SHLD1: variants seen among roughly 807,000 people sequenced by gnomAD.
The protein encoded by SHLD1 is shieldin complex subunit 1, also known as RINN1-REV7-interacting novel NHEJ regulator 3.
Under a neutral mutation model 5.5 loss-of-function variants are expected in SHLD1, and 3 were observed. The observed-to-expected ratio is 0.54, with a 90% CI of 0.25 to 1.40. SHLD1 has a LOEUF of 1.40. Ranked by LOEUF, SHLD1 falls within the 40% of genes most tolerant of loss-of-function variation. The pLI is 0.15. For synonymous variants in SHLD1, 92 were observed against 94.3 expected (o/e 0.98, Z 0.14); for missense variants, 210 against 244.4 (o/e 0.86, Z 0.94).
chr20:5,821,617 T>C (rs2087607078), intron 2 of SHLD1, among the ~76,000 whole-genome samples: 1 of 152,144 alleles, frequency 6.6e-6, no homozygotes, highest in African/African-American at 2.4e-5. Context: ...TCTGGAAAAC[T>C]CAAACATCGA....
At chr20:5,817,833 C>G (rs1294703) in intron 2 of SHLD1, among the ~76,000 whole-genome samples, 32,263 of 152,170 alleles carry the variant, frequency 0.21, 3,998 homozygotes, top group Non-Finnish European at 0.27. Flanking sequence ...GCACCTGAAA[C>G]TGATCTCTGT....
chr20:5,854,694 T>C (rs549423973), intron 2 of SHLD1, among the ~76,000 whole-genome samples: 1 of 152,160 alleles, frequency 6.6e-6, no homozygotes, highest in Non-Finnish European at 1.5e-5. Context: ...GAAGTCTTAA[T>C]CATTTTGAAG....
intron 2 of SHLD1, among the ~76,000 whole-genome samples, chr20:5,821,065 C>T (rs1185797729): frequency 1.3e-5 from 2 of 152,206 alleles, no homozygotes; most frequent in African/African-American, 4.8e-5. Context: ...ACTTCTAGTC[C>T]TGTGGAAAAT....
chr20:5,831,101 C>T (rs993786305), intron 2 of SHLD1, among the ~76,000 whole-genome samples: 2 of 152,136 alleles, frequency 1.3e-5, no homozygotes, highest in African/African-American at 4.8e-5. Context: ...GTGGGTGCTT[C>T]GTGCTGGCTT....
chr20:5,811,723 G>A (rs549561363), intron 2 of SHLD1, among the ~76,000 whole-genome samples: 3 of 152,054 alleles, frequency 2.0e-5, no homozygotes, highest in Non-Finnish European at 2.9e-5. Flanking sequence ...AGGTGTGGTG[G>A]TGCACACCTT....
chr20:5,841,617 G>A (rs2087861854), intron 2 of SHLD1, among the ~76,000 whole-genome samples: 1 of 152,160 alleles, frequency 6.6e-6, no homozygotes, highest in African/African-American at 2.4e-5. Context: ...ATTCTAAAAT[G>A]TTAATAAGGC....
chr20:5,860,777 C>G (rs370530430), intron 2 of SHLD1, among the ~76,000 whole-genome samples: 4 of 151,472 alleles, frequency 2.6e-5, no homozygotes, highest in African/African-American at 9.7e-5. Flanking sequence ...CCCCTTCCAC[C>G]CATCCTGGAG....
chr20:5,770,342 A>G (rs148298152), intron 1 of SHLD1, among the ~76,000 whole-genome samples: 1 of 152,330 alleles, frequency 6.6e-6, no homozygotes, highest in East Asian at 1.9e-4. Flanking sequence ...ATGTCAGTGC[A>G]GTTTGAAACA....
At chr20:5,816,089 G>GAAAAAAAAAA (rs141881349) in intron 2 of SHLD1, among the ~76,000 whole-genome samples, 641 of 83,724 alleles carry the variant, frequency 7.7e-3, no homozygotes, top group Middle Eastern at 0.014. Context: ...TCAAAAAAAC[G>GAAAAAAAAAA]AAAAAAAAAA....
intron 2 of SHLD1, among the ~76,000 whole-genome samples, chr20:5,789,940 C>A (rs2087114727): frequency 6.6e-6 from 1 of 152,186 alleles, no homozygotes; most frequent in South Asian, 2.1e-4. Context: ...AAAGCCCAGC[C>A]CCCGGGAAGG....
At chr20:5,836,639 T>C (rs1476110664) in intron 2 of SHLD1, among the ~76,000 whole-genome samples, 1 of 152,228 alleles carries the variant, frequency 6.6e-6, no homozygotes, top group Non-Finnish European at 1.5e-5. Context: ...CAATGCCACC[T>C]TCTCCTCCTG....
In SHLD1 at chr20:5,765,412, A is replaced by AT. The variant is rs560235633; in HGVS notation, c.-4-7442dup. On this transcript the variant is annotated intron_variant, in intron 1 of 2. Transcript: ENST00000303142. ...AGGTGCACGTCACCACACCCGGCTA[A>AT]TTTTTTTTGTATTTTTAGTAGAGAC... 8.7e-3 allele frequency among the ~76,000 whole-genome samples: 1,316 copies of AT among 151,340 alleles called. 19 individuals carry two copies. The highest frequency in any genetic ancestry group is 0.029 in the African/African-American group (1,212 of 41,234).
At chr20:5,808,907 A>G (rs1467320513) in intron 2 of SHLD1, among the ~76,000 whole-genome samples, 1 of 152,198 alleles carries the variant, frequency 6.6e-6, no homozygotes, top group Non-Finnish European at 1.5e-5. Flanking sequence ...TAGTTGGGTT[A>G]ATATTATCGG....
intron 2 of SHLD1, among the ~76,000 whole-genome samples, chr20:5,784,127 G>A (rs1254166551): frequency 6.6e-6 from 1 of 150,552 alleles, no homozygotes; most frequent in African/African-American, 2.4e-5. Flanking sequence ...ACTCCAGCCT[G>A]GGCGACAAAG....
intron 2 of SHLD1, among the ~76,000 whole-genome samples, chr20:5,810,650 T>A (rs1174979422): frequency 1.3e-5 from 2 of 152,178 alleles, no homozygotes; most frequent in Admixed American, 6.5e-5. Context: ...TCCCAGCACC[T>A]TGGGAGGCTG....
At chr20:5,808,154 C>T (rs974594538) in intron 2 of SHLD1, among the ~76,000 whole-genome samples, 8 of 152,202 alleles carry the variant, frequency 5.3e-5, no homozygotes, top group African/African-American at 1.9e-4. Flanking sequence ...GTGGCACACA[C>T]CTGTAATTCC....
intron 2 of SHLD1, among the ~76,000 whole-genome samples, chr20:5,805,226 C>G: frequency 6.6e-6 from 1 of 152,086 alleles, no homozygotes; most frequent in Non-Finnish European, 1.5e-5. Flanking sequence ...GGCGCGATCT[C>G]GGCTTGCCAC....
intron 2 of SHLD1, among the ~76,000 whole-genome samples, chr20:5,780,274 G>A (rs894593569): frequency 7.2e-5 from 11 of 152,050 alleles, no homozygotes; most frequent in African/African-American, 1.9e-4. Flanking sequence ...CAGTGCACCC[G>A]GCTTGACTGT....
chr20:5,797,402 T>C (rs1215444210), intron 2 of SHLD1, among the ~76,000 whole-genome samples: 1 of 151,834 alleles, frequency 6.6e-6, no homozygotes, highest in African/African-American at 2.4e-5. Flanking sequence ...CTCTACAAAA[T>C]ATAAACAAAA....
Sources: gnomAD v4.1 joint callset for allele counts (sites outside exome capture counted in the v4.1 genomes callset) on GRCh38, gnomAD v4.1.1 for gene constraint, MANE v1.5 for transcripts, NCBI Gene and HGNC (gene_info 2026-07-23, HGNC 2026-07-21) for gene names.